The following RFX2 variants were observed in gnomAD, a reference collection of about 807,000 sequenced individuals.
RFX2 encodes regulatory factor X2, also known as DNA-binding protein RFX2.
Under a neutral mutation model 87.8 loss-of-function variants are expected in RFX2, and 20 were observed. That is an observed-to-expected ratio of 0.23 (90% CI 0.16 to 0.33). RFX2 has a LOEUF of 0.33. Among genes scored for constraint, RFX2 ranks in the 10% least tolerant of loss-of-function variants. RFX2 has a pLI of 1.00. For missense variants in RFX2, 767 were observed against 1,012.3 expected, an observed-to-expected ratio of 0.76 and a Z score of 3.29; for synonymous variants, 397 against 431.3, an observed-to-expected ratio of 0.92 and a Z score of 0.98.
chr19:6,071,101 A>G (rs886585452), intron 1 of RFX2, among the ~76,000 whole-genome samples: 6 of 152,268 alleles, frequency 3.9e-5, no homozygotes, highest in African/African-American at 1.4e-4. Context: ...ATTATTAGAA[A>G]TGAGTTTTAA....
rs1599842524 is a variant in RFX2 at position 6,004,962 on chromosome 19, T to C, written c.1403-664A>G. Among the ~76,000 whole-genome samples, 1 of 151,810 alleles carries C rather than the reference T, an allele frequency of 6.6e-6. No homozygotes were observed. Among genetic ancestry groups the C allele is most frequent in the African/African-American group, 2.4e-5 (1 of 41,370 alleles). On this transcript the variant is annotated intron_variant, in intron 12 of 17. Transcript: ENST00000303657. This position sits in a 1 kb window ranked among gnomAD's most constrained non-coding sequence, Gnocchi z 4.8. ...GGTGAAACCCTATCTCTACTAAAAATACAAAAATGATCTGGACGTGGCGGT... is the reference window on the plus strand; with the variant it reads ...GGTGAAACCCTATCTCTACTAAAAACACAAAAATGATCTGGACGTGGCGGT...
intron 1 of RFX2, among the ~76,000 whole-genome samples, chr19:6,102,532 T>C (rs1568198232): frequency 6.6e-6 from 1 of 152,358 alleles, no homozygotes; most frequent in East Asian, 1.9e-4. Context: ...ATACTTCGAA[T>C]AGCATCCAAA....
intron 1 of RFX2, among the ~76,000 whole-genome samples, chr19:6,107,260 C>T (rs2088231291): frequency 6.6e-6 from 1 of 151,552 alleles, no homozygotes; most frequent in Non-Finnish European, 1.5e-5. Flanking sequence ...GGTGCCACTG[C>T]ACTCCAGCCT....
chr19:6,016,044 G>A lies in RFX2; in HGVS notation c.779+46C>T, dbSNP rs2086721823. 1 of 1,515,946 alleles carries A rather than the reference G, an allele frequency of 6.6e-7. No individual in the cohort carries two copies. Among genetic ancestry groups the A allele is most frequent in the South Asian group, 1.3e-5 (1 of 78,356 alleles). 93.9% of individuals were successfully genotyped at this position (1,515,946 alleles called of 1,614,324 possible). On this transcript the variant is annotated intron_variant, in intron 7 of 17. Coordinates refer to ENST00000303657, the MANE Select transcript of RFX2 (RefSeq NM_000635.4). The surrounding 1 kb of genome is among the most constrained non-coding windows in gnomAD (Gnocchi z 5.4). ...CATTTTCCCAAAAGCTCCATTTCTT[G>A]GGAAAGGAAGAGGAAGAACAGGTGG...
intron 5 of RFX2, among the ~76,000 whole-genome samples, chr19:6,028,248 G>A (rs981767545): frequency 1.3e-5 from 2 of 150,762 alleles, no homozygotes; most frequent in South Asian, 2.1e-4. Flanking sequence ...GAATGATTCC[G>A]CATCTTCACA....
At position 6,007,735 on chromosome 19, in the gene RFX2, T is replaced by A. The variant is rs1199304113; in HGVS notation, c.1202A>T (p.Asn401Ile). The A allele has an allele frequency of 1.3e-6, 2 of 1,556,084 alleles. No homozygotes were observed. The highest frequency in any genetic ancestry group is 1.7e-6 in the Non-Finnish European group (2 of 1,149,024). The change falls in exon 11 of 18, where the codon AAC becomes ATC. Residue 401 changes from asparagine (N) to isoleucine (I), a missense_variant. This residue lies in a region of RFX2 where 621 missense variants were observed against 873.0 expected (regional missense o/e 0.71). Coordinates refer to ENST00000303657, the MANE Select transcript of RFX2 (RefSeq NM_000635.4). The surrounding 1 kb of genome is among the most constrained non-coding windows in gnomAD (Gnocchi z 8.2). ...YIEKLWLSFW[N>I]SKASSSDGPT... ...GCCGTCGCTGGAGGAGGCCTTAGAG[T>A]TCCAGAAGGAGAGCCACAGCTTCTC...
intron 1 of RFX2, among the ~76,000 whole-genome samples, chr19:6,054,369 C>T (rs1049846863): frequency 6.6e-6 from 1 of 152,094 alleles, no homozygotes; most frequent in Non-Finnish European, 1.5e-5. Context: ...AAAAAGAATA[C>T]TTCACAACTC....
intron 16 of RFX2, among the ~76,000 whole-genome samples, chr19:5,996,588 T>C (rs2086415827): frequency 6.6e-6 from 1 of 152,242 alleles, no homozygotes; most frequent in Non-Finnish European, 1.5e-5. Flanking sequence ...CGGGGTTTCC[T>C]TTTGGGGTGA....
intron 1 of RFX2, among the ~76,000 whole-genome samples, chr19:6,067,136 T>C (rs568461422): frequency 6.6e-6 from 1 of 152,246 alleles, no homozygotes; most frequent in African/African-American, 2.4e-5. Flanking sequence ...GAGGAGAAAG[T>C]GCCCTTTTCT....
At chr19:6,093,705 G>A (rs1421470207) in intron 1 of RFX2, among the ~76,000 whole-genome samples, 3 of 151,226 alleles carry the variant, frequency 2.0e-5, no homozygotes, top group Non-Finnish European at 4.4e-5. Flanking sequence ...AGAAAAATAA[G>A]ATCTCTTTTT....
chr19:5,996,288 G>A (rs77201285), intron 16 of RFX2, among the ~76,000 whole-genome samples: 1,825 of 152,370 alleles, frequency 0.012, 20 homozygotes, highest in East Asian at 0.058. Context: ...ACGCAGCCCC[G>A]TTCACGACGG....
chr19:6,020,452 G>C lies in RFX2; in HGVS notation c.598-4181C>G, dbSNP rs901420765. The C allele has an allele frequency of 9.2e-5, 14 of 152,196 alleles. No homozygotes were observed. The highest frequency in any genetic ancestry group is 1.6e-4 in the Non-Finnish European group (11 of 68,050). The allele number at this position is 152,196 out of a possible 1,614,324, so 9.4% of individuals were successfully genotyped here. A position where few individuals can be genotyped will look rare whatever the true frequency, so the allele number is the denominator to read the frequency against. On this transcript the variant is annotated intron_variant, in intron 6 of 17. Coordinates refer to ENST00000303657, the MANE Select transcript of RFX2 (RefSeq NM_000635.4). This position sits in a 1 kb window ranked among gnomAD's most constrained non-coding sequence, Gnocchi z 5.3. The stretch of plus-strand genomic sequence containing the variant: ...GTCTATTTCCTCCCTCTTCTGTGTT[G>C]ATGAACTTCTGGGAGGAGAATGGGG...
At chr19:6,025,565 A>G (rs998248182) in intron 6 of RFX2, among the ~76,000 whole-genome samples, 1 of 152,044 alleles carries the variant, frequency 6.6e-6, no homozygotes, top group African/African-American at 2.4e-5. Context: ...CCTGCCAGGT[A>G]TTGTTGAAAG....
chr19:6,046,431 A>G (rs1363197036), intron 2 of RFX2, among the ~76,000 whole-genome samples: 1 of 151,592 alleles, frequency 6.6e-6, no homozygotes, highest in Non-Finnish European at 1.5e-5. Context: ...AAATACAAAA[A>G]TTAGCCGGGC....
rs2087338183 is a variant in RFX2, at chr19:6,056,217, T to A, written c.-8-8713A>T. On this transcript the variant is annotated intron_variant, in intron 1 of 17. Coordinates refer to ENST00000303657, the MANE Select transcript of RFX2 (RefSeq NM_000635.4). This position sits in a 1 kb window ranked among gnomAD's most constrained non-coding sequence, Gnocchi z 4.6. ...AACGAAGCCTGTAAAAATACAAGGG[T>A]GGAGAGGAGGACGGAGAGTGGGTAC... Among the ~76,000 whole-genome samples the A allele has an allele frequency of 6.6e-6, 1 of 151,986 alleles. No individual in the cohort carries two copies. Among genetic ancestry groups the A allele is most frequent in the Non-Finnish European group, 1.5e-5 (1 of 67,986 alleles).
chr19:6,007,601 C>A lies in RFX2; in HGVS notation c.1247+89G>T. On this transcript the variant is annotated intron_variant, in intron 11 of 17. Coordinates refer to ENST00000303657, the MANE Select transcript of RFX2 (RefSeq NM_000635.4). The surrounding 1 kb of genome is among the most constrained non-coding windows in gnomAD (Gnocchi z 8.2). Reference sequence around the variant, plus strand: ...GGTCTGAACCCTGATTCTTGGAGAGCTGAGGCTTTCGTTTGTGGGTTACCT... The same window carrying A: ...GGTCTGAACCCTGATTCTTGGAGAGATGAGGCTTTCGTTTGTGGGTTACCT... 1 of 753,624 alleles carries A rather than the reference C, an allele frequency of 1.3e-6. No homozygotes were observed. Among genetic ancestry groups the A allele is most frequent in the South Asian group, 1.6e-5 (1 of 63,392 alleles). The allele number at this position is 753,624 out of a possible 1,614,324, so 46.7% of individuals were successfully genotyped here.
chr19:6,096,417 C>T (rs1004414085), intron 1 of RFX2, among the ~76,000 whole-genome samples: 8 of 150,888 alleles, frequency 5.3e-5, no homozygotes, highest in Non-Finnish European at 1.0e-4. Flanking sequence ...ACTGCGCACA[C>T]TCTCGTTTTT....
intron 9 of RFX2, 63 bp from the exon 10 acceptor site, chr19:6,008,287 A>T: frequency 9.8e-7 from 1 of 1,025,132 alleles, no homozygotes; most frequent in Admixed American, 2.7e-5. Flanking sequence ...GGACAACTGG[A>T]AGGCCACGGT....
chr19:6,096,615 T>G (rs975721749), intron 1 of RFX2, among the ~76,000 whole-genome samples: 1 of 151,968 alleles, frequency 6.6e-6, no homozygotes, highest in Non-Finnish European at 1.5e-5. Context: ...CCCGACTAAT[T>G]TTTTATATTT....
Sources: gnomAD v4.1 joint callset for allele counts (sites outside exome capture counted in the v4.1 genomes callset) on GRCh38, gnomAD v4.1.1 for gene constraint, gnomAD v4.1.1 regional missense constraint, Gnocchi (gnomAD v3.1) non-coding constraint, MANE v1.5 for transcripts, NCBI Gene and HGNC (gene_info 2026-07-23, HGNC 2026-07-21) for gene names.